Variants in SUDS3 observed in about 807,000 individuals in gnomAD.
The protein encoded by SUDS3 is sin3 histone deacetylase corepressor complex component SDS3.
Under a neutral mutation model 53.5 loss-of-function variants are expected in SUDS3, and 23 were observed. The observed-to-expected ratio is 0.43, with a 90% CI of 0.31 to 0.61. The LOEUF is 0.61. Among genes scored for constraint, SUDS3 ranks in the 20% least tolerant of loss-of-function variants. The pLI, the probability that SUDS3 is intolerant of heterozygous loss-of-function variation, is 0.10. For missense variants in SUDS3, 291 were observed against 405.9 expected (o/e 0.72, Z 2.43); for synonymous variants, 150 against 148.5 (o/e 1.01, Z -0.08).
intron 3 of SUDS3, among the ~76,000 whole-genome samples, chr12:118,385,290 A>T (rs1593755970): frequency 6.6e-6 from 1 of 151,978 alleles, no homozygotes; most frequent in South Asian, 2.1e-4. Context: ...TGTATTTTTA[A>T]TAGAAACGGG....
At chr12:118,396,507 G>T (rs985764036) in intron 6 of SUDS3, among the ~76,000 whole-genome samples, 16 of 151,892 alleles carry the variant, frequency 1.1e-4, no homozygotes, top group Non-Finnish European at 2.2e-4. Flanking sequence ...ACCCTCCTTG[G>T]CCCCCCCAAA....
chr12:118,403,256 A>G (rs1265943100), intron 9 of SUDS3, among the ~76,000 whole-genome samples, 156 bp from the exon 10 acceptor site: 1 of 152,220 alleles, frequency 6.6e-6, no homozygotes, highest in East Asian at 1.9e-4. Flanking sequence ...TAGATGGAAT[A>G]TACAAGAGTT....
intron 2 of SUDS3, 34 bp downstream of exon 2, chr12:118,380,265 T>C (rs1329915330): frequency 5.2e-6 from 8 of 1,546,910 alleles, no homozygotes; most frequent in East Asian, 2.3e-5. Context: ...TTTTGGAACA[T>C]AGAATTGACA....
At chr12:118,393,392 A>C (rs2046185235) in intron 6 of SUDS3, among the ~76,000 whole-genome samples, 1 of 152,204 alleles carries the variant, frequency 6.6e-6, no homozygotes, top group Non-Finnish European at 1.5e-5. Context: ...AAACGGGTGT[A>C]TTTGGCGACC....
At chr12:118,382,338 G>T (rs571510544) in intron 2 of SUDS3, among the ~76,000 whole-genome samples, 1 of 151,856 alleles carries the variant, frequency 6.6e-6, no homozygotes, top group Non-Finnish European at 1.5e-5. Flanking sequence ...CTGAGCCATC[G>T]TGCCAGGCCA....
chr12:118,381,951 G>T (rs2046067006), intron 2 of SUDS3, among the ~76,000 whole-genome samples: 1 of 152,138 alleles, frequency 6.6e-6, no homozygotes, highest in African/African-American at 2.4e-5. Context: ...AATGTTTTGT[G>T]GCCATCCTCT....
intron 2 of SUDS3, among the ~76,000 whole-genome samples, chr12:118,382,366 AGCCACTTTTTTTTGAGACAG>A (rs2046074058): frequency 2.5e-5 from 2 of 79,546 alleles, no homozygotes; most frequent in East Asian, 8.3e-4. Flanking sequence ...TTGAGACAGT[AGCCACTTTTTTTTGAGACAG>A]TATCTTGTTT....
At position 118,376,558 on chromosome 12, in the gene SUDS3, G is replaced by A. The variant is rs1051387184; in HGVS notation, c.-134G>A. ...GGCGCGGGGGGCGGAGCTCGGCGGAGACGGGGAAGGGGTCGCCGTGGCTGC... is the reference window on the plus strand; with the variant it reads ...GGCGCGGGGGGCGGAGCTCGGCGGAAACGGGGAAGGGGTCGCCGTGGCTGC... On this transcript the variant is annotated 5_prime_UTR_variant, in exon 1 of 12. Coordinates refer to ENST00000543473, the MANE Select transcript of SUDS3 (RefSeq NM_022491.3). 2 of 1,167,764 alleles carry A rather than the reference G, an allele frequency of 1.7e-6. No individual in the cohort carries two copies. The highest frequency in any genetic ancestry group is 2.2e-6 in the Non-Finnish European group (2 of 924,788). 72.3% of individuals were successfully genotyped at this position (1,167,764 alleles called of 1,614,324 possible).
intron 10 of SUDS3, among the ~76,000 whole-genome samples, chr12:118,404,991 A>G (rs1460789818): frequency 1.3e-5 from 2 of 152,190 alleles, no homozygotes; most frequent in Non-Finnish European, 2.9e-5. Context: ...GGCTGGCTTT[A>G]TCTCTAAGGC....
intron 1 of SUDS3, 42 bp from the exon 2 acceptor site, chr12:118,380,120 A>AT: frequency 2.0e-6 from 3 of 1,537,788 alleles, no homozygotes; most frequent in Non-Finnish European, 2.7e-6. Context: ...CAACTCCGTG[A>AT]ATTATGATTT....
chr12:118,391,961 A>G (rs1374500353), intron 6 of SUDS3, among the ~76,000 whole-genome samples: 1 of 152,236 alleles, frequency 6.6e-6, no homozygotes, highest in African/African-American at 2.4e-5. Context: ...AGTAATCCAC[A>G]TATGGGAACT....
intron 10 of SUDS3, among the ~76,000 whole-genome samples, chr12:118,409,518 TAGC>T (rs150854574): frequency 0.022 from 3,357 of 152,292 alleles, 119 homozygotes; most frequent in African/African-American, 0.076. Context: ...AGTTCATAAG[TAGC>T]AGGTTAAAGA....
chr12:118,402,086 T>C (rs1459737484), intron 9 of SUDS3, 82 bp downstream of exon 9: 5 of 1,532,672 alleles, frequency 3.3e-6, no homozygotes, highest in Non-Finnish European at 4.5e-6. Context: ...CAGGAAATGG[T>C]TGCAATTTTC....
At chr12:118,390,909 G>C in intron 5 of SUDS3, 1 of 629,602 alleles carries the variant, frequency 1.6e-6, no homozygotes, top group South Asian at 1.6e-5. Flanking sequence ...AAAAATATCT[G>C]GGTAGCAAGT....
In SUDS3 at chr12:118,379,887, G is replaced by T. The variant is rs1217352641; in HGVS notation, c.143-275G>T. Among the ~76,000 whole-genome samples the T allele has an allele frequency of 3.9e-5, 6 of 152,192 alleles. No homozygotes were observed. The East Asian group carries it at 9.6e-4, about 24-fold the overall frequency. On this transcript the variant is annotated intron_variant, in intron 1 of 11. Coordinates refer to ENST00000543473, the MANE Select transcript of SUDS3 (RefSeq NM_022491.3). ...TTTTCTGAAGTACGGCTGTCCCTCG[G>T]TATCTATGGGGGACTGGTTCCAGGA...
chr12:118,389,969 GT>G (rs1291508331), intron 5 of SUDS3, 23 bp downstream of exon 5: 1 of 1,613,956 alleles, frequency 6.2e-7, no homozygotes, highest in Non-Finnish European at 8.5e-7. Context: ...GATCTTCTGG[GT>G]TTGCAGGCCC....
chr12:118,408,172 TACA>T, intron 10 of SUDS3, among the ~76,000 whole-genome samples: 1 of 152,118 alleles, frequency 6.6e-6, no homozygotes, highest in Admixed American at 6.5e-5. Context: ...GTGCTGGGAT[TACA>T]GGCGTAAGCC....
chr12:118,402,951 G>A (rs1427880142), intron 9 of SUDS3, among the ~76,000 whole-genome samples: 2 of 152,068 alleles, frequency 1.3e-5, no homozygotes, highest in African/African-American at 4.8e-5. Flanking sequence ...ACTAGAGATG[G>A]GGTTTCACCA....
intron 4 of SUDS3, 105 bp downstream of exon 4, chr12:118,386,290 A>G: frequency 1.1e-6 from 1 of 893,338 alleles, no homozygotes; most frequent in Non-Finnish European, 1.7e-6. Context: ...CATATCCCAG[A>G]TACTCTGTCA....
Sources: allele counts gnomAD v4.1 joint callset (sites outside exome capture counted in the v4.1 genomes callset), GRCh38; gene constraint gnomAD v4.1.1; transcripts MANE v1.5; gene names NCBI Gene and HGNC (gene_info 2026-07-23, HGNC 2026-07-21).